Variants in AUTS2 observed in about 807,000 individuals in gnomAD.
AUTS2 encodes the protein autism susceptibility gene 2 protein.
Under a neutral mutation model 112.4 loss-of-function variants are expected in AUTS2, and 17 were observed. The ratio of observed to expected loss-of-function variants is 0.15; its 90% CI spans 0.10 to 0.23. The LOEUF (loss-of-function observed/expected upper bound fraction) is 0.23. Among genes scored for constraint, AUTS2 ranks in the 10% least tolerant of loss-of-function variants. The pLI, the probability that AUTS2 is intolerant of heterozygous loss-of-function variation, is 1.00. For synonymous variants in AUTS2, 751 were observed against 702.7 expected (o/e 1.07, Z -1.09); for missense variants, 1,510 against 1,701.6 (o/e 0.89, Z 1.98).
At chr7:70,639,706 C>T (rs538266932) in intron 5 of AUTS2, among the ~76,000 whole-genome samples, 6 of 149,806 alleles carry the variant, frequency 4.0e-5, no homozygotes, top group South Asian at 2.1e-4. Flanking sequence ...GCCTTAAGCA[C>T]GCCCTTACAT....
intron 4 of AUTS2, chr7:70,292,364 C>G (rs1313921099): frequency 6.6e-6 from 1 of 152,312 alleles, no homozygotes; most frequent in Non-Finnish European, 1.5e-5. Flanking sequence ...CAGTGTCACT[C>G]ACCAGTGGGG....
chr7:70,440,741 G>A (rs1441684706), intron 5 of AUTS2, among the ~76,000 whole-genome samples: 1 of 152,190 alleles, frequency 6.6e-6, no homozygotes, highest in Non-Finnish European at 1.5e-5. Flanking sequence ...AGCAGAACCT[G>A]GAGCCAAGAG....
chr7:70,204,060 A>G lies in AUTS2; in HGVS notation c.660+69489A>G, dbSNP rs542313130. Reference sequence around the variant, plus strand: ...ACACATATACACAACATTTTAAAATAACATCAGTTATTTTCCCTCTTTTAT... The same window carrying G: ...ACACATATACACAACATTTTAAAATGACATCAGTTATTTTCCCTCTTTTAT... On this transcript the variant is annotated intron_variant, in intron 4 of 18. Transcript: ENST00000342771. Among the ~76,000 whole-genome samples, 232 of 151,874 alleles carry G rather than the reference A, an allele frequency of 1.5e-3. 1 individual carries two copies. Among genetic ancestry groups the G allele is most frequent in the African/African-American group, 4.7e-3 (195 of 41,484 alleles).
At chr7:70,497,167 A>T (rs1798582700) in intron 5 of AUTS2, among the ~76,000 whole-genome samples, 1 of 143,574 alleles carries the variant, frequency 7.0e-6, no homozygotes, top group South Asian at 2.3e-4. Flanking sequence ...CACACACACC[A>T]CGTACACAGG....
At chr7:70,385,692 C>T (rs1334781470) in intron 4 of AUTS2, among the ~76,000 whole-genome samples, 1 of 152,114 alleles carries the variant, frequency 6.6e-6, no homozygotes, top group Non-Finnish European at 1.5e-5. Flanking sequence ...GCAATGCTGG[C>T]ACCACTGCAC....
intron 4 of AUTS2, among the ~76,000 whole-genome samples, chr7:70,250,214 C>T (rs1328267105): frequency 6.6e-6 from 1 of 152,096 alleles, no homozygotes; most frequent in Non-Finnish European, 1.5e-5. Flanking sequence ...TATGCACAAA[C>T]ATGCCCTAAA....
chr7:70,573,262 G>T lies in AUTS2; in HGVS notation c.691-125307G>T, dbSNP rs139942591. Among the ~76,000 whole-genome samples, 745 of 152,304 alleles carry T rather than the reference G, an allele frequency of 4.9e-3. 8 individuals are homozygous for T. In the Middle Eastern group the frequency reaches 0.051, roughly 10 times the overall value. On this transcript the variant is annotated intron_variant, in intron 5 of 18. Transcript: ENST00000342771. ...CAGAATGCTTCACTGGTCCCCGGAG[G>T]TGGCCACAGACGCAGTGGATTTAAT...
chr7:70,572,074 G>A (rs897203343), intron 5 of AUTS2, among the ~76,000 whole-genome samples: 1 of 152,186 alleles, frequency 6.6e-6, no homozygotes, highest in Non-Finnish European at 1.5e-5. Context: ...ATGATGGGGA[G>A]CCATGGCGAT....
intron 2 of AUTS2, among the ~76,000 whole-genome samples, chr7:70,003,756 A>G (rs374241460): frequency 3.7e-5 from 4 of 107,040 alleles, no homozygotes; most frequent in South Asian, 2.8e-4. Flanking sequence ...TGTGTTATAT[A>G]TGAATATATA....
rs1335051613 is a variant in AUTS2 at position 70,706,912 on chromosome 7, G to C, written c.742+8292G>C. On this transcript the variant is annotated intron_variant, in intron 6 of 18. Transcript: ENST00000342771. Reference sequence around the variant, plus strand: ...CGTTGTCATGGTTACCTTGAACATGGGCTTTGGATTTAAGATTCTCACAGA... The same window carrying C: ...CGTTGTCATGGTTACCTTGAACATGCGCTTTGGATTTAAGATTCTCACAGA... Among the ~76,000 whole-genome samples the C allele has an allele frequency of 4.6e-5, 7 of 152,136 alleles. No individual in the cohort carries two copies. In the South Asian group the frequency reaches 6.2e-4, roughly 14 times the overall value.
intron 14 of AUTS2, 46 bp from the exon 15 acceptor site, chr7:70,781,569 C>T (rs1490507321): frequency 1.2e-6 from 2 of 1,606,240 alleles, no homozygotes; most frequent in Non-Finnish European, 8.5e-7. Context: ...CACCTTTATT[C>T]CTTGCTGTTG....
intron 1 of AUTS2, among the ~76,000 whole-genome samples, chr7:69,726,054 T>C (rs1786493820): frequency 6.6e-6 from 1 of 152,158 alleles, no homozygotes; most frequent in African/African-American, 2.4e-5. Context: ...AGGATATTGT[T>C]TACATGCAGT....
intron 1 of AUTS2, among the ~76,000 whole-genome samples, chr7:69,753,758 A>T (rs1033641240): frequency 2.0e-5 from 3 of 152,190 alleles, no homozygotes; most frequent in Non-Finnish European, 4.4e-5. Flanking sequence ...CTCAAGGAAG[A>T]TTTGTATCCA....
intron 4 of AUTS2, among the ~76,000 whole-genome samples, chr7:70,176,217 A>G (rs867549468): frequency 6.6e-6 from 1 of 152,194 alleles, no homozygotes; most frequent in African/African-American, 2.4e-5. Context: ...AGGATGGAAT[A>G]TTCTCAATGT....
At chr7:70,449,119 A>G (rs1796430573) in intron 5 of AUTS2, among the ~76,000 whole-genome samples, 1 of 152,248 alleles carries the variant, frequency 6.6e-6, no homozygotes, top group Admixed American at 6.5e-5. Context: ...CCAAACCATC[A>G]GAAGGGCAGA....
chr7:70,069,859 T>A (rs1312755055), intron 2 of AUTS2, among the ~76,000 whole-genome samples: 7 of 152,138 alleles, frequency 4.6e-5, no homozygotes, highest in African/African-American at 1.4e-4. Context: ...CATCCTGTTA[T>A]ATAATAGGAA....
chr7:69,771,751 C>T (rs1315456059), intron 1 of AUTS2, among the ~76,000 whole-genome samples: 4 of 149,880 alleles, frequency 2.7e-5, no homozygotes, highest in East Asian at 1.9e-4. Flanking sequence ...TTTTTTATTT[C>T]GGTTCAGTCT....
intron 5 of AUTS2, among the ~76,000 whole-genome samples, chr7:70,681,177 G>A (rs918646595): frequency 2.0e-5 from 3 of 152,310 alleles, no homozygotes; most frequent in Admixed American, 6.5e-5. Context: ...TCTCTCACCC[G>A]AGTGGCGGAT....
chr7:70,327,038 C>T (rs972342765), intron 4 of AUTS2, among the ~76,000 whole-genome samples: 3 of 151,806 alleles, frequency 2.0e-5, no homozygotes, highest in Non-Finnish European at 2.9e-5. Context: ...CTGCCTCAGC[C>T]TCCCAGGTAG....
Sources: allele counts gnomAD v4.1 joint callset (sites outside exome capture counted in the v4.1 genomes callset), GRCh38; gene constraint gnomAD v4.1.1; transcripts MANE v1.5; gene names NCBI Gene and HGNC (gene_info 2026-07-23, HGNC 2026-07-21).